The following SLC25A27 variants were observed in gnomAD, a reference collection of about 807,000 sequenced individuals.
SLC25A27 encodes mitochondrial uncoupling protein 4.
A neutral mutation model predicts 49.1 loss-of-function variants in SLC25A27; 35 were observed. The ratio of observed to expected loss-of-function variants is 0.71; its 90% CI spans 0.54 to 0.95. The LOEUF (loss-of-function observed/expected upper bound fraction) is 0.95. Ranked by LOEUF, SLC25A27 falls within the 40% of genes least tolerant of loss-of-function variation. The probability of loss-of-function intolerance (pLI) is 0.00; values close to 1 mark genes in which losing one functional copy is unlikely to be tolerated. For synonymous variants in SLC25A27, 144 were observed against 136.9 expected, an observed-to-expected ratio of 1.05 and a Z score of -0.36; for missense variants, 339 against 397.1, an observed-to-expected ratio of 0.85 and a Z score of 1.24.
intron 1 of SLC25A27, chr6:46,653,635 T>C: frequency 1.0e-6 from 1 of 985,410 alleles, no homozygotes; most frequent in Non-Finnish European, 1.2e-6. Flanking sequence ...TAATCTGTTT[T>C]CCATCCTTAC....
Position 46,653,283 on chromosome 6 carries a change from AC to A in SLC25A27, c.93del (p.Val32TrpfsTer4), listed in dbSNP as rs1369953082. The A allele has an allele frequency of 1.2e-6, 2 of 1,612,350 alleles. No homozygotes were observed. The highest frequency in any genetic ancestry group is 1.3e-5 in the African/African-American group (1 of 74,908). ...SKFLLSGCAA[T>X]VAELATFPLD... is the part of the protein sequence containing the mutation. ...ATTCCTACTGTCCGGCTGCGCGGCT[AC>A]CGTGGCCGAGCTAGGTACCCGGCTG... is the stretch of plus-strand genomic sequence containing the variant. On this transcript the variant is annotated frameshift_variant, in exon 1 of 9. Coordinates refer to ENST00000371347, the MANE Select transcript of SLC25A27 (RefSeq NM_004277.5). LOFTEE classifies it high-confidence loss of function.
chr6:46,658,871 G>T, intron 2 of SLC25A27, 91 bp from the exon 3 acceptor site: 1 of 897,976 alleles, frequency 1.1e-6, no homozygotes, highest in Non-Finnish European at 1.9e-6. Flanking sequence ...GATTGACTAG[G>T]CCATGTCGGA....
At chr6:46,674,510 C>T (rs1763688189) in intron 8 of SLC25A27, among the ~76,000 whole-genome samples, 1 of 152,176 alleles carries the variant, frequency 6.6e-6, no homozygotes, top group African/African-American at 2.4e-5. Flanking sequence ...TAAAGAAAGG[C>T]TGGCTAACCA....
intron 5 of SLC25A27, among the ~76,000 whole-genome samples, chr6:46,667,443 C>T (rs1156773046): frequency 1.3e-5 from 2 of 152,132 alleles, no homozygotes; most frequent in Non-Finnish European, 1.5e-5. Context: ...AAATAGTAAC[C>T]TTGGGCAGTC....
In SLC25A27 at chr6:46,671,127, G is replaced by T; in HGVS notation, c.799G>T (p.Gly267Ter). The T allele has an allele frequency of 6.3e-7, 1 of 1,582,008 alleles. No individual in the cohort carries two copies. Among genetic ancestry groups the T allele is most frequent in the Non-Finnish European group, 8.6e-7 (1 of 1,163,404 alleles). Reference sequence around the variant, plus strand: ...AAAAGGATCTTGTTTCCTTTTTAGGGGACTTTTGTATAAATCATCGACTGA... The same window carrying T: ...AAAAGGATCTTGTTTCCTTTTTAGGTGACTTTTGTATAAATCATCGACTGA... ...MNQPRDKQGR[G>*]LLYKSSTDCL... Residue 267 changes from glycine to a stop codon, truncating the protein, a stop_gained and splice_region_variant, in exon 8 of 9, where the codon GGA becomes TGA. Coordinates refer to ENST00000371347, the MANE Select transcript of SLC25A27 (RefSeq NM_004277.5). LOFTEE classifies it high-confidence loss of function.
Position 46,675,762 on chromosome 6 carries a change from A to T in SLC25A27, c.901-621A>T, listed in dbSNP as rs536778371. ...GTCCTCTTCTAACCCTTATTCTTTTATAATTCCTTTAGATGTAGCCATACC... is the reference window on the plus strand; with the variant it reads ...GTCCTCTTCTAACCCTTATTCTTTTTTAATTCCTTTAGATGTAGCCATACC... On this transcript the variant is annotated intron_variant, in intron 8 of 8. Coordinates refer to ENST00000371347, the MANE Select transcript of SLC25A27 (RefSeq NM_004277.5). 1.2e-4 allele frequency among the ~76,000 whole-genome samples: 18 copies of T among 152,254 alleles called. No homozygotes were observed. The South Asian group carries it at 3.7e-3, about 32-fold the overall frequency.
In SLC25A27 at chr6:46,678,030, TTATATATATA is replaced by T. The variant is rs67622673; in HGVS notation, c.*1602_*1611del. Reference sequence around the variant, plus strand: ...CAATATGTAATTGCGTTGTAAAATATTATATATATATATATATATATATATATATATATAT... The same window carrying T: ...CAATATGTAATTGCGTTGTAAAATATTATATATATATATATATATATATAT... On this transcript the variant is annotated 3_prime_UTR_variant, in exon 9 of 9. Transcript: ENST00000371347. 7.0e-4 allele frequency: 70 copies of T among 100,664 alleles called. 2 individuals carry two copies. In the East Asian group the frequency reaches 0.014, roughly 20 times the overall value. The allele number at this position is 100,664 out of a possible 1,614,324, so 6.2% of individuals were successfully genotyped here.
intron 2 of SLC25A27, among the ~76,000 whole-genome samples, chr6:46,657,463 CA>C (rs1476781874): frequency 6.6e-6 from 1 of 151,146 alleles, no homozygotes; most frequent in African/African-American, 2.4e-5. Context: ...AACTCTGTCT[CA>C]AAAAAATAAA....
chr6:46,662,522 CCT>C (rs1562037619), intron 4 of SLC25A27, 24 bp downstream of exon 4: 3 of 1,611,396 alleles, frequency 1.9e-6, no homozygotes, highest in South Asian at 1.1e-5. Context: ...TTAACCAATA[CCT>C]CTCTTTTTCC....
chr6:46,674,771 G>A (rs1375970803), intron 8 of SLC25A27, among the ~76,000 whole-genome samples: 1 of 152,000 alleles, frequency 6.6e-6, no homozygotes, highest in Non-Finnish European at 1.5e-5. Context: ...AAGCTATATG[G>A]GTACTCAAGT....
rs1762808477 is a variant in SLC25A27, at chr6:46,653,079, T to G, written c.-114T>G. 1 of 990,550 alleles carries G rather than the reference T, an allele frequency of 1.0e-6. No individual in the cohort carries two copies. Among genetic ancestry groups the G allele is most frequent in the Non-Finnish European group, 1.5e-6 (1 of 651,320 alleles). The allele number at this position is 990,550 out of a possible 1,614,324, so 61.4% of individuals were successfully genotyped here. A position where few individuals can be genotyped will look rare whatever the true frequency, so the allele number is the denominator to read the frequency against. ...CCGAGCCGAACGAGGGAAATGGTCCTCACCCGGCCACTCGCCGGTTGAAAA... is the reference window on the plus strand; with the variant it reads ...CCGAGCCGAACGAGGGAAATGGTCCGCACCCGGCCACTCGCCGGTTGAAAA... On this transcript the variant is annotated 5_prime_UTR_variant, in exon 1 of 9. Transcript: ENST00000371347.
chr6:46,653,186 C>CTG lies in SLC25A27; in HGVS notation c.-6_-5dup, dbSNP rs1762814765. 5 of 1,611,978 alleles carry CTG rather than the reference C, an allele frequency of 3.1e-6. No homozygotes were observed. In the East Asian group the frequency reaches 1.1e-4, roughly 36 times the overall value. On this transcript the variant is annotated 5_prime_UTR_variant, in exon 1 of 9. Coordinates refer to ENST00000371347, the MANE Select transcript of SLC25A27 (RefSeq NM_004277.5). ...AGGAGTGCGTTATCGTCTTGCGCTA[C>CTG]TGCTGAATGTCCGTCCCGGAGGAGG...
chr6:46,660,179 G>A (rs1003134644), intron 3 of SLC25A27, among the ~76,000 whole-genome samples: 2 of 151,304 alleles, frequency 1.3e-5, no homozygotes, highest in Non-Finnish European at 1.5e-5. Context: ...GCACTAATGA[G>A]CTGAAAGATT....
intron 2 of SLC25A27, among the ~76,000 whole-genome samples, chr6:46,658,317 T>C (rs1236052812): frequency 1.3e-5 from 2 of 152,226 alleles, no homozygotes; most frequent in African/African-American, 2.4e-5. Flanking sequence ...TGGTTGATTT[T>C]AATTATTTTG....
rs552769257 is a variant in SLC25A27, at chr6:46,663,148, T to C, written c.506+650T>C. Reference sequence around the variant, plus strand: ...TTCCAAGGGTTTCATGTTCAACAGTTTATTAAAATACCACTTAGTTTCCCC... The same window carrying C: ...TTCCAAGGGTTTCATGTTCAACAGTCTATTAAAATACCACTTAGTTTCCCC... On this transcript the variant is annotated intron_variant, in intron 4 of 8. Transcript: ENST00000371347. Among the ~76,000 whole-genome samples the C allele has an allele frequency of 2.6e-5, 4 of 152,294 alleles. No homozygotes were observed. In the South Asian group the frequency reaches 8.3e-4, roughly 32 times the overall value.
At chr6:46,656,303 C>A (rs565488423) in intron 2 of SLC25A27, among the ~76,000 whole-genome samples, 1 of 151,664 alleles carries the variant, frequency 6.6e-6, no homozygotes, top group East Asian at 1.9e-4. Context: ...GACTCAGCCT[C>A]CTGAGTAGCT....
chr6:46,675,702 T>G (rs1763752961), intron 8 of SLC25A27, among the ~76,000 whole-genome samples: 1 of 152,200 alleles, frequency 6.6e-6, no homozygotes, highest in Non-Finnish European at 1.5e-5. Context: ...GTGATTTCCC[T>G]CTGTGTCTTT....
At chr6:46,653,496 A>C (rs999176774) in intron 1 of SLC25A27, 198 bp downstream of exon 1, 1 of 985,432 alleles carries the variant, frequency 1.0e-6, no homozygotes, top group Non-Finnish European at 1.2e-6. Flanking sequence ...TTTTCCTTCT[A>C]ATCTCTTCTA....
At chr6:46,660,230 C>CTGTGTGGGTGTGTGTG (rs1554170746) in intron 3 of SLC25A27, among the ~76,000 whole-genome samples, 4 of 147,310 alleles carry the variant, frequency 2.7e-5, no homozygotes, top group African/African-American at 1.0e-4. Context: ...ACCTCTGTGT[C>CTGTGTGGGTGTGTGTG]TGTGTGTGTG....
Sources: allele counts gnomAD v4.1 joint callset (sites outside exome capture counted in the v4.1 genomes callset), GRCh38; gene constraint gnomAD v4.1.1; transcripts MANE v1.5; gene names NCBI Gene and HGNC (gene_info 2026-07-23, HGNC 2026-07-21).